The following RNF220 variants were observed in gnomAD, a reference collection of about 807,000 sequenced individuals.
The protein encoded by RNF220 is E3 ubiquitin-protein ligase RNF220.
RNF220 carries 7 observed loss-of-function variants against 67.1 expected under a neutral mutation model. The observed-to-expected ratio is 0.10, with a 90% CI of 0.06 to 0.20. RNF220 has a LOEUF of 0.20. RNF220 is among the 10% of genes least tolerant of loss of function. The pLI, the probability that RNF220 is intolerant of heterozygous loss-of-function variation, is 1.00. For synonymous variants in RNF220, 270 were observed against 283.2 expected (o/e 0.95, Z 0.47); for missense variants, 565 against 740.3 (o/e 0.76, Z 2.75).
At position 44,419,961 on chromosome 1, in the gene RNF220, C is replaced by T. The variant is rs146908068; in HGVS notation, c.625+7239C>T. The T allele has an allele frequency of 8.5e-5, 13 of 152,346 alleles. No homozygotes were observed. The East Asian group carries it at 2.5e-3, about 29-fold the overall frequency. The allele number at this position is 152,346 out of a possible 1,614,324, so 9.4% of individuals were successfully genotyped here. A position where few individuals can be genotyped will look rare whatever the true frequency, so the allele number is the denominator to read the frequency against. On this transcript the variant is annotated intron_variant, in intron 2 of 14. Coordinates refer to ENST00000361799, the MANE Select transcript of RNF220 (RefSeq NM_018150.4). ...ATGTTTTCCCACAGCATTACATCCC[C>T]TATCGTGGAGTCCACACATACGGAT...
intron 2 of RNF220, among the ~76,000 whole-genome samples, chr1:44,517,006 A>G (rs1659504137): frequency 1.3e-5 from 2 of 152,078 alleles, no homozygotes; most frequent in Non-Finnish European, 1.5e-5. Flanking sequence ...TGTCCAAGCC[A>G]GAAACCTGGG....
intron 2 of RNF220, among the ~76,000 whole-genome samples, chr1:44,467,978 T>A (rs771506188): frequency 4.6e-5 from 7 of 152,046 alleles, no homozygotes; most frequent in Non-Finnish European, 8.8e-5. Context: ...GATGGGGAAA[T>A]AGCTGGTCGG....
chr1:44,474,863 A>G (rs925868718), intron 2 of RNF220, among the ~76,000 whole-genome samples: 1 of 152,262 alleles, frequency 6.6e-6, no homozygotes, highest in African/African-American at 2.4e-5. Flanking sequence ...TGAAAATACT[A>G]TGCCACCTTA....
intron 2 of RNF220, among the ~76,000 whole-genome samples, chr1:44,527,874 C>T (rs1047275902): frequency 4.9e-5 from 6 of 121,972 alleles, no homozygotes; most frequent in Admixed American, 2.3e-4. Context: ...TGCAGCGAGC[C>T]GAGATTGCAC....
intron 2 of RNF220, among the ~76,000 whole-genome samples, chr1:44,507,922 GC>G (rs1396853698): frequency 1.3e-5 from 2 of 152,170 alleles, no homozygotes; most frequent in African/African-American, 4.8e-5. Flanking sequence ...TGCTGGCTGT[GC>G]CTCTGCCCCC....
rs541869619 is a variant in RNF220, at chr1:44,556,186, C to G, written c.626-57979C>G. On this transcript the variant is annotated intron_variant, in intron 2 of 14. Coordinates refer to ENST00000361799, the MANE Select transcript of RNF220 (RefSeq NM_018150.4). ...AGTAGCTGGGATTACAGGCGTGCAT[C>G]ACCACACCTGGCTAATTTTTGTTTT... 1.7e-4 allele frequency among the ~76,000 whole-genome samples: 25 copies of G among 150,094 alleles called. No individual in the cohort carries two copies. The South Asian group carries it at 5.2e-3, about 31-fold the overall frequency.
At chr1:44,596,673 G>A (rs1045629459) in intron 2 of RNF220, among the ~76,000 whole-genome samples, 6 of 152,142 alleles carry the variant, frequency 3.9e-5, no homozygotes, top group African/African-American at 9.7e-5. Flanking sequence ...GAAGGAAGCC[G>A]ACCCACTTCC....
intron 2 of RNF220, among the ~76,000 whole-genome samples, chr1:44,507,399 C>T (rs1020589188): frequency 6.6e-6 from 1 of 151,240 alleles, no homozygotes; most frequent in African/African-American, 2.4e-5. Context: ...TCATCAATAG[C>T]GGAAATTTGA....
At chr1:44,570,450 G>A (rs1468524879) in intron 2 of RNF220, among the ~76,000 whole-genome samples, 1 of 152,160 alleles carries the variant, frequency 6.6e-6, no homozygotes, top group African/African-American at 2.4e-5. Context: ...CACCACACAG[G>A]AGGCACGCCA....
chr1:44,517,116 A>G (rs1438397919), intron 2 of RNF220, among the ~76,000 whole-genome samples: 1 of 152,142 alleles, frequency 6.6e-6, no homozygotes, highest in Non-Finnish European at 1.5e-5. Flanking sequence ...GGCACCGCCC[A>G]AAATCCAGGC....
chr1:44,591,366 T>C lies in RNF220; in HGVS notation c.626-22799T>C, dbSNP rs114824737. Among the ~76,000 whole-genome samples the C allele has an allele frequency of 6.2e-3, 944 of 152,332 alleles. 8 individuals carry two copies. The highest frequency in any genetic ancestry group is 0.022 in the African/African-American group (902 of 41,568). On this transcript the variant is annotated intron_variant, in intron 2 of 14. Coordinates refer to ENST00000361799, the MANE Select transcript of RNF220 (RefSeq NM_018150.4). ...GAGGAGGCTGGCAGGTCACCTATCG[T>C]CCATGCGCAATGCCCTTGCAGGCCT...
At chr1:44,576,152 A>T (rs923991786) in intron 2 of RNF220, among the ~76,000 whole-genome samples, 1 of 152,262 alleles carries the variant, frequency 6.6e-6, no homozygotes, top group Non-Finnish European at 1.5e-5. Context: ...ACATTACTTC[A>T]TCAGAGCAAC....
chr1:44,501,768 G>C (rs1353075679), intron 2 of RNF220, among the ~76,000 whole-genome samples: 2 of 152,086 alleles, frequency 1.3e-5, no homozygotes, highest in Non-Finnish European at 2.9e-5. Flanking sequence ...GTTGGTGCAG[G>C]AGAGGGGGGC....
At chr1:44,528,498 C>T (rs1660574750) in intron 2 of RNF220, among the ~76,000 whole-genome samples, 1 of 151,948 alleles carries the variant, frequency 6.6e-6, no homozygotes, top group Non-Finnish European at 1.5e-5. Context: ...GATGGGGTTT[C>T]ACCGTGTTAG....
At chr1:44,537,327 T>C (rs1448023499) in intron 2 of RNF220, among the ~76,000 whole-genome samples, 2 of 152,198 alleles carry the variant, frequency 1.3e-5, no homozygotes, top group African/African-American at 4.8e-5. Context: ...CATAGTTCCA[T>C]TCCAATTACC....
chr1:44,441,889 T>C, intron 2 of RNF220, among the ~76,000 whole-genome samples: 1 of 152,174 alleles, frequency 6.6e-6, no homozygotes, highest in East Asian at 1.9e-4. Context: ...GGAACACAGA[T>C]ATGGAAACAG....
intron 2 of RNF220, among the ~76,000 whole-genome samples, chr1:44,598,755 A>G (rs1484768872): frequency 6.6e-6 from 1 of 152,156 alleles, no homozygotes; most frequent in Admixed American, 6.5e-5. Flanking sequence ...ATTTCCCACC[A>G]GGTCTATGAC....
chr1:44,488,255 C>T (rs1656511583), intron 2 of RNF220, among the ~76,000 whole-genome samples: 1 of 151,838 alleles, frequency 6.6e-6, no homozygotes, highest in Non-Finnish European at 1.5e-5. Flanking sequence ...CCTGCCTCAG[C>T]CTCCCGAGTA....
At chr1:44,505,503 C>T (rs935382479) in intron 2 of RNF220, among the ~76,000 whole-genome samples, 6 of 152,236 alleles carry the variant, frequency 3.9e-5, no homozygotes, top group African/African-American at 1.4e-4. Context: ...GCGGCTGGCC[C>T]GCAGCAGGGA....
Sources: gnomAD v4.1 joint callset for allele counts (sites outside exome capture counted in the v4.1 genomes callset) on GRCh38, gnomAD v4.1.1 for gene constraint, MANE v1.5 for transcripts, NCBI Gene and HGNC (gene_info 2026-07-23, HGNC 2026-07-21) for gene names.